ANXA6: variants seen among roughly 807,000 people sequenced by gnomAD.
The protein encoded by ANXA6 is annexin A6.
In ANXA6, 71 loss-of-function variants were observed where a neutral mutation model predicts 95.4. That is an observed-to-expected ratio of 0.74 (90% CI 0.61 to 0.91). ANXA6 has a LOEUF of 0.91. Among genes scored for constraint, ANXA6 ranks in the 40% least tolerant of loss-of-function variants. The pLI is 0.00. For synonymous variants in ANXA6, 289 were observed against 315.9 expected (o/e 0.91, Z 0.90); for missense variants, 830 against 876.4 (o/e 0.95, Z 0.67).
Position 151,126,391 on chromosome 5 carries a change from G to A in ANXA6, c.1056+11C>T, listed in dbSNP as rs1045806715. ...GTCAAGAGGTCAAGCAGGAGGAGGGGAAGGTCTGACCTCTACTCGGGCCAC... is the reference window on the plus strand; with the variant it reads ...GTCAAGAGGTCAAGCAGGAGGAGGGAAAGGTCTGACCTCTACTCGGGCCAC... On this transcript the variant is annotated intron_variant, in intron 14 of 25. Transcript: ENST00000354546. 7 of 1,603,462 alleles carry A rather than the reference G, an allele frequency of 4.4e-6. No individual in the cohort carries two copies. The highest frequency in any genetic ancestry group is 6.0e-6 in the Non-Finnish European group (7 of 1,174,310).
rs61315693 is a variant in ANXA6, at chr5:151,100,817, A to AT, written c.*630dup. On this transcript the variant is annotated 3_prime_UTR_variant, in exon 26 of 26. Coordinates refer to ENST00000354546, the MANE Select transcript of ANXA6 (RefSeq NM_001155.5). ...AGTTAATGTTAGAAGGGAAGCCAAG[A>AT]TTTTTTTGTCCAACTGTCTCATTGT... 7.5e-3 allele frequency: 3,376 copies of AT among 449,214 alleles called. 101 individuals carry two copies. The highest frequency in any genetic ancestry group is 0.063 in the African/African-American group (3,125 of 49,888). The allele number at this position is 449,214 out of a possible 1,614,324, so 27.8% of individuals were successfully genotyped here.
rs772618660 is a variant in ANXA6 at position 151,138,789 on chromosome 5, G to A, written c.207C>T (p.Asp69=). The part of the protein sequence containing the change: ...CQSYKSLYGK[D]LIADLKYELT... ...ATTCATACTTTAAATCAGCAATGAGGTCCTGGCAGGTGGGGAAGAAGAGGA... is the reference window on the plus strand; with the variant it reads ...ATTCATACTTTAAATCAGCAATGAGATCCTGGCAGGTGGGGAAGAAGAGGA... The change falls in exon 5 of 26, where the codon GAC becomes GAT. Residue 69 remains aspartate, a splice_region_variant and synonymous_variant. Coordinates refer to ENST00000354546, the MANE Select transcript of ANXA6 (RefSeq NM_001155.5). 6 of 1,607,298 alleles carry A rather than the reference G, an allele frequency of 3.7e-6. No individual in the cohort carries two copies. In the South Asian group the frequency reaches 6.6e-5, roughly 18 times the overall value.
chr5:151,132,781 C>T (rs933707458), intron 9 of ANXA6, among the ~76,000 whole-genome samples: 45 of 152,132 alleles, frequency 3.0e-4, no homozygotes, highest in African/African-American at 9.6e-4. Context: ...TGTGTCTCAT[C>T]CCCTAACATG....
intron 19 of ANXA6, 65 bp from the exon 20 acceptor site, chr5:151,117,245 C>T (rs1581987084): frequency 6.9e-7 from 1 of 1,453,282 alleles, no homozygotes; most frequent in Non-Finnish European, 9.3e-7. Context: ...TCTGTACCAC[C>T]ACACACCCTG....
chr5:151,124,467 C>T lies in ANXA6; in HGVS notation c.1057-100G>A, dbSNP rs944039341. The T allele has an allele frequency of 2.4e-5, 28 of 1,173,742 alleles. No individual in the cohort carries two copies. In the South Asian group the frequency reaches 3.7e-4, roughly 16 times the overall value. 72.7% of individuals were successfully genotyped at this position (1,173,742 alleles called of 1,614,324 possible). A position where few individuals can be genotyped will look rare whatever the true frequency, so the allele number is the denominator to read the frequency against. ...GGGTGGGAAGCTCACCCCATGAGCC[C>T]AAACCAAGCGGCGTGGGTGGGGAAA... On this transcript the variant is annotated intron_variant, in intron 14 of 25. Transcript: ENST00000354546.
At chr5:151,128,993 C>G (rs1418767817) in intron 12 of ANXA6, among the ~76,000 whole-genome samples, 1 of 151,754 alleles carries the variant, frequency 6.6e-6, no homozygotes, top group Non-Finnish European at 1.5e-5. Context: ...CATATGTCTC[C>G]TGATAAAGCC....
At chr5:151,108,575 G>T in intron 22 of ANXA6, 25 bp from the exon 23 acceptor site, 1 of 1,605,142 alleles carries the variant, frequency 6.2e-7, no homozygotes, top group Non-Finnish European at 8.5e-7. Flanking sequence ...AGCCCCAGAG[G>T]TGGGGGTGAG....
rs141932165 is a variant in ANXA6 at position 151,117,074 on chromosome 5, C to G, written c.1572+53G>C. The G allele has an allele frequency of 6.3e-5, 95 of 1,508,462 alleles. No homozygotes were observed. The East Asian group carries it at 2.3e-3, about 37-fold the overall frequency. 93.4% of individuals were successfully genotyped at this position (1,508,462 alleles called of 1,614,324 possible). ...CGGCGTAGACACGCATAAGCTGGAC[C>G]TACATCTCAGGGACACCCGGCAGAG... On this transcript the variant is annotated intron_variant, in intron 20 of 25. Coordinates refer to ENST00000354546, the MANE Select transcript of ANXA6 (RefSeq NM_001155.5).
At chr5:151,142,564 T>C (rs1765866044) in intron 2 of ANXA6, among the ~76,000 whole-genome samples, 1 of 152,104 alleles carries the variant, frequency 6.6e-6, no homozygotes, top group Non-Finnish European at 1.5e-5. Flanking sequence ...TTAGTTCAGC[T>C]TCCCACTCAG....
intron 9 of ANXA6, 47 bp from the exon 10 acceptor site, chr5:151,132,618 C>T (rs763976745): frequency 1.3e-6 from 2 of 1,513,802 alleles, no homozygotes; most frequent in Non-Finnish European, 9.0e-7. Context: ...CCTCTGTACC[C>T]CCGAGAAGAA....
intron 25 of ANXA6, among the ~76,000 whole-genome samples, chr5:151,101,730 A>T (rs1307918500): frequency 1.3e-5 from 2 of 152,168 alleles, no homozygotes; most frequent in African/African-American, 4.8e-5. Context: ...GCCTGGCTTC[A>T]AGGCCCTTTG....
chr5:151,107,074 C>A (rs1281423638), intron 23 of ANXA6, among the ~76,000 whole-genome samples: 1 of 152,180 alleles, frequency 6.6e-6, no homozygotes, highest in Non-Finnish European at 1.5e-5. Context: ...CTGCTATAAG[C>A]CTCTCTGAAC....
intron 1 of ANXA6, among the ~76,000 whole-genome samples, chr5:151,154,295 GTATATATATATATA>G (rs58268342): frequency 0.031 from 4,320 of 138,972 alleles, 189 homozygotes; most frequent in East Asian, 0.18. Context: ...GCAGTTTGCA[GTATATATATATATA>G]TATATATATA....
At chr5:151,141,715 G>A in intron 2 of ANXA6, 1 of 985,650 alleles carries the variant, frequency 1.0e-6, no homozygotes, top group Non-Finnish European at 1.2e-6. Context: ...ACTATTTAAA[G>A]TTCTGACCAG....
intron 18 of ANXA6, 102 bp downstream of exon 18, chr5:151,119,198 A>G (rs917266146): frequency 3.2e-6 from 3 of 951,392 alleles, no homozygotes; most frequent in Non-Finnish European, 5.1e-6. Flanking sequence ...GACTGAGGGA[A>G]AGGAGACAGG....
At chr5:151,113,953 G>A (rs1294486383) in intron 20 of ANXA6, among the ~76,000 whole-genome samples, 1 of 152,184 alleles carries the variant, frequency 6.6e-6, no homozygotes, top group East Asian at 1.9e-4. Context: ...GCTACAACAC[G>A]GATGACCCGT....
In ANXA6 at chr5:151,101,079, C is replaced by T; in HGVS notation, c.*369G>A. 1 of 486,554 alleles carries T rather than the reference C, an allele frequency of 2.1e-6. No homozygotes were observed. Among genetic ancestry groups the T allele is most frequent in the Non-Finnish European group, 4.0e-6 (1 of 248,026 alleles). The allele number at this position is 486,554 out of a possible 1,614,324, so 30.1% of individuals were successfully genotyped here. Reference sequence around the variant, plus strand: ...TCAACTGGCCCCTGCCACCAACCCCCTCATTCAAAGTACAGACACTACTCA... The same window carrying T: ...TCAACTGGCCCCTGCCACCAACCCCTTCATTCAAAGTACAGACACTACTCA... On this transcript the variant is annotated 3_prime_UTR_variant, in exon 26 of 26. Coordinates refer to ENST00000354546, the MANE Select transcript of ANXA6 (RefSeq NM_001155.5).
chr5:151,115,046 TAA>T (rs1050521894), intron 20 of ANXA6, among the ~76,000 whole-genome samples: 1 of 152,242 alleles, frequency 6.6e-6, no homozygotes, highest in African/African-American at 2.4e-5. Context: ...ATGAATGTGA[TAA>T]AAGAGTTTGC....
intron 5 of ANXA6, among the ~76,000 whole-genome samples, chr5:151,137,583 T>G (rs562267859): frequency 5.3e-5 from 8 of 152,302 alleles, no homozygotes; most frequent in African/African-American, 1.9e-4. Context: ...GGTTGGATCA[T>G]GGGGGCGGTT....
Sources: gnomAD v4.1 joint callset for allele counts (sites outside exome capture counted in the v4.1 genomes callset) on GRCh38, gnomAD v4.1.1 for gene constraint, MANE v1.5 for transcripts, NCBI Gene and HGNC (gene_info 2026-07-23, HGNC 2026-07-21) for gene names.